Variants in ROBO2 observed in about 807,000 individuals in gnomAD.
The protein encoded by ROBO2 is roundabout homolog 2.
ROBO2 carries 53 observed loss-of-function variants against 160.8 expected under a neutral mutation model. The ratio of observed to expected loss-of-function variants is 0.33; its 90% confidence interval spans 0.26 to 0.41. The LOEUF (loss-of-function observed/expected upper bound fraction) is 0.41. Among genes scored for constraint, ROBO2 ranks in the 10% least tolerant of loss-of-function variants. The pLI is 1.00. For missense variants in ROBO2, 1,577 were observed against 1,722.4 expected (o/e 0.92, Z 1.49); for synonymous variants, 664 against 611.7 (o/e 1.09, Z -1.26).
At chr3:77,001,200 C>T (rs2061320180) in intron 2 of ROBO2, among the ~76,000 whole-genome samples, 1 of 152,124 alleles carries the variant, frequency 6.6e-6, no homozygotes, top group South Asian at 2.1e-4. Flanking sequence ...AGGGCAGGAA[C>T]AGAGCTATTA....
At chr3:76,608,250 A>G (rs2087810087) in intron 2 of ROBO2, among the ~76,000 whole-genome samples, 1 of 152,182 alleles carries the variant, frequency 6.6e-6, no homozygotes, top group Non-Finnish European at 1.5e-5. Flanking sequence ...CTTCTTGGGC[A>G]GTGATGCTTT....
chr3:77,269,897 A>C (rs1485774123), intron 2 of ROBO2, among the ~76,000 whole-genome samples: 2 of 152,172 alleles, frequency 1.3e-5, no homozygotes, highest in African/African-American at 4.8e-5. Context: ...TCTTTTAAAA[A>C]TAAACTAAAC....
chr3:77,589,006 A>G lies in ROBO2; in HGVS notation c.2683+73A>G, dbSNP rs2094120634. ...AATGAAATGAATGGAAGGAACAGAA[A>G]GGAATAACAAATGAGTGATTTGGGC... On this transcript the variant is annotated intron_variant, in intron 17 of 25. Coordinates refer to ENST00000461745, the Ensembl canonical transcript of ROBO2. The G allele has an allele frequency of 2.6e-6, 4 of 1,555,282 alleles. No individual in the cohort carries two copies. The East Asian group carries it at 9.0e-5, about 35-fold the overall frequency.
chr3:76,455,533 A>T, intron 2 of ROBO2, among the ~76,000 whole-genome samples: 1 of 152,258 alleles, frequency 6.6e-6, no homozygotes, highest in Non-Finnish European at 1.5e-5. Context: ...AGCAATTTAA[A>T]AATTAATTAT....
intron 2 of ROBO2, among the ~76,000 whole-genome samples, chr3:76,043,889 TTCCCC>T (rs1458322046): frequency 2.0e-5 from 3 of 151,978 alleles, no homozygotes; most frequent in South Asian, 2.1e-4. Flanking sequence ...CCTGCTGTGC[TTCCCC>T]TCCACCCCAT....
chr3:76,945,760 G>T (rs2078495130), intron 2 of ROBO2, among the ~76,000 whole-genome samples: 1 of 152,052 alleles, frequency 6.6e-6, no homozygotes, highest in Non-Finnish European at 1.5e-5. Flanking sequence ...TTTTACCTCT[G>T]CAAGTTCCAT....
chr3:77,476,754 A>T (rs1423701197), intron 2 of ROBO2, among the ~76,000 whole-genome samples: 1 of 152,056 alleles, frequency 6.6e-6, no homozygotes, highest in African/African-American at 2.4e-5. Flanking sequence ...AAAGGAGGGA[A>T]ATTTCAGACA....
At position 76,914,581 on chromosome 3, in the gene ROBO2, A is replaced by G. The variant is rs557590844; in HGVS notation, c.110-183433A>G. On this transcript the variant is annotated intron_variant, in intron 2 of 26. Transcript: ENST00000487694. ...TCTTGTTGCCAAGAAAATCTGTGTC[A>G]TTTCTCAGTAGCTTATAAGCTTTTA... Among the ~76,000 whole-genome samples the G allele has an allele frequency of 6.8e-4, 103 of 152,180 alleles. 1 individual carries two copies. The highest frequency in any genetic ancestry group is 9.1e-4 in the Non-Finnish European group (62 of 68,002).
chr3:76,948,166 T>C (rs944110125), intron 2 of ROBO2, among the ~76,000 whole-genome samples: 40 of 152,186 alleles, frequency 2.6e-4, no homozygotes, highest in African/African-American at 6.8e-4. Context: ...TTATTCATGT[T>C]GAAAAGTAAA....
At chr3:76,499,066 G>C (rs1427164897) in intron 2 of ROBO2, among the ~76,000 whole-genome samples, 1 of 152,022 alleles carries the variant, frequency 6.6e-6, no homozygotes, top group Non-Finnish European at 1.5e-5. Flanking sequence ...ACCCCTCATA[G>C]GTCAACCTAG....
At chr3:76,590,909 G>A (rs763609408) in intron 2 of ROBO2, among the ~76,000 whole-genome samples, 10 of 151,930 alleles carry the variant, frequency 6.6e-5, no homozygotes, top group Non-Finnish European at 1.5e-4. Context: ...CAACTGCAGT[G>A]GCAGGCTGAA....
At chr3:76,895,964 C>T (rs1018933259) in intron 2 of ROBO2, among the ~76,000 whole-genome samples, 4 of 152,130 alleles carry the variant, frequency 2.6e-5, no homozygotes, top group Non-Finnish European at 5.9e-5. Context: ...CAGCCTGACT[C>T]GCCTTCTAAT....
chr3:76,305,445 A>G (rs1442060849), intron 2 of ROBO2, among the ~76,000 whole-genome samples: 1 of 146,644 alleles, frequency 6.8e-6, no homozygotes, highest in Non-Finnish European at 1.5e-5. Context: ...TGTTCTGACT[A>G]TACTTACATA....
chr3:76,402,390 T>C (rs1247611062), intron 2 of ROBO2, among the ~76,000 whole-genome samples: 1 of 151,556 alleles, frequency 6.6e-6, no homozygotes, highest in East Asian at 1.9e-4. Context: ...CTCTCTTCCT[T>C]GTGAAAATTA....
At chr3:77,013,712 T>G (rs2062054046) in intron 2 of ROBO2, among the ~76,000 whole-genome samples, 1 of 152,182 alleles carries the variant, frequency 6.6e-6, no homozygotes, top group Admixed American at 6.5e-5. Context: ...CTGCAATTAT[T>G]TTTGTTTACT....
intron 2 of ROBO2, among the ~76,000 whole-genome samples, chr3:76,270,625 C>G (rs1707376212): frequency 6.6e-6 from 1 of 151,918 alleles, no homozygotes; most frequent in African/African-American, 2.4e-5. Context: ...TATTGAGCAC[C>G]TTTTGTGCTA....
chr3:76,540,955 G>A (rs984329677), intron 2 of ROBO2, among the ~76,000 whole-genome samples: 1 of 151,954 alleles, frequency 6.6e-6, no homozygotes, highest in Middle Eastern at 3.4e-3. Flanking sequence ...ATGCACCACC[G>A]CATCTAGCTA....
chr3:76,956,573 A>AG (rs2079284151), intron 2 of ROBO2, among the ~76,000 whole-genome samples: 1 of 145,430 alleles, frequency 6.9e-6, no homozygotes, highest in Admixed American at 6.9e-5. Context: ...AAAAAAAAAG[A>AG]AAAAGAAGCT....
chr3:76,703,572 T>C (rs921849278), intron 2 of ROBO2, among the ~76,000 whole-genome samples: 1 of 152,054 alleles, frequency 6.6e-6, no homozygotes, highest in African/African-American at 2.4e-5. Flanking sequence ...GTCCATGTGT[T>C]CTCATTGTTC....
Sources: gnomAD v4.1 joint callset for allele counts (sites outside exome capture counted in the v4.1 genomes callset) on GRCh38, gnomAD v4.1.1 for gene constraint, MANE v1.5 for transcripts, NCBI Gene and HGNC (gene_info 2026-07-23, HGNC 2026-07-21) for gene names.